Variants in MTFMT observed in about 807,000 individuals in gnomAD.
The protein encoded by MTFMT is mitochondrial methionyl-tRNA formyltransferase, also known as methionyl-tRNA formyltransferase, mitochondrial.
In MTFMT, 47 loss-of-function variants were observed where a neutral mutation model predicts 51.8. The ratio of observed to expected loss-of-function variants is 0.91; its 90% confidence interval spans 0.72 to 1.16. The LOEUF (loss-of-function observed/expected upper bound fraction) is 1.16, where lower values mean the gene tolerates loss of function less well. Among genes scored for constraint, MTFMT ranks in the 50% most tolerant of loss-of-function variants. MTFMT has a pLI of 0.00. For synonymous variants in MTFMT, 196 were observed against 176.7 expected (o/e 1.11, Z -0.87); for missense variants, 512 against 482.3 (o/e 1.06, Z -0.58).
chr15:65,029,315 A>C, intron 1 of MTFMT, 90 bp downstream of exon 1: 1 of 1,329,316 alleles, frequency 7.5e-7, no homozygotes, highest in African/African-American at 1.5e-5. Context: ...TGCTTTCCGC[A>C]ACCAGAAGTC....
chr15:65,020,181 T>C lies in MTFMT; in HGVS notation c.721+16A>G, dbSNP rs1401943605. On this transcript the variant is annotated intron_variant, in intron 5 of 8. Transcript: ENST00000220058. ...GAACCTTTAGAAAGATGAGAGTCTC[T>C]GCAGCCTTCACTCACCGTAAGTCGC... 18 of 1,607,994 alleles carry C rather than the reference T, an allele frequency of 1.1e-5. No individual in the cohort carries two copies. The highest frequency in any genetic ancestry group is 1.5e-5 in the Non-Finnish European group (18 of 1,177,166).
rs1347467934 is a variant in MTFMT, at chr15:65,004,869, T to C, written c.960A>G (p.Leu320=). Residue 320 remains leucine (L), a synonymous_variant, in exon 8 of 9, where the codon CTA becomes CTG. Transcript: ENST00000220058. ...SVIYHKQSQI[L]LVYCKDGWIG... is the part of the protein sequence containing the mutation. Reference sequence around the variant, plus strand: ...AAAAACATACCTTGCAATAAACCAATAGTATTTGTGACTGTTTGTGGTATA... The same window carrying C: ...AAAAACATACCTTGCAATAAACCAACAGTATTTGTGACTGTTTGTGGTATA... The C allele has an allele frequency of 1.4e-5, 22 of 1,602,258 alleles. No homozygotes were observed. Among genetic ancestry groups the C allele is most frequent in the East Asian group, 2.2e-5 (1 of 44,722 alleles).
In MTFMT at chr15:65,027,081, A is replaced by G. The variant is rs1167058167; in HGVS notation, c.210-41T>C. The G allele has an allele frequency of 5.4e-6, 8 of 1,492,326 alleles. No homozygotes were observed. The Admixed American group carries it at 1.1e-4, about 21-fold the overall frequency. 92.4% of individuals were successfully genotyped at this position (1,492,326 alleles called of 1,614,324 possible). A position where few individuals can be genotyped will look rare whatever the true frequency, so the allele number is the denominator to read the frequency against. On this transcript the variant is annotated intron_variant, in intron 1 of 8. Coordinates refer to ENST00000220058, the MANE Select transcript of MTFMT (RefSeq NM_139242.4). ...AGAAAAATGTGACAGTGTTAAGGCA[A>G]TGACTCAAAGCTAAAACTACTTCAC... is the stretch of plus-strand genomic sequence containing the variant.
chr15:65,027,819 T>A (rs940020561), intron 1 of MTFMT, among the ~76,000 whole-genome samples: 6 of 152,094 alleles, frequency 3.9e-5, no homozygotes, highest in African/African-American at 1.4e-4. Context: ...TAAACAGAGG[T>A]GGAAGGAAGT....
Position 65,006,180 on chromosome 15 carries a change from C to A in MTFMT, c.825G>T (p.Gln275His), listed in dbSNP as rs747614238. The change falls in exon 7 of 9, where the codon CAG (glutamine) becomes CAT (histidine). Residue 275 changes from glutamine (Q) to histidine (H), a missense_variant. Gln to His is a conservative substitution (Grantham distance 24). Transcript: ENST00000220058. ...TAATGGTATTCGCCATCCAGAGCGT[C>A]TGCAACGGAATCTGCAAGTAAAATT... Reference protein sequence around the residue: ...YRAIGNIIPLQTLWMANTIKL... With the variant: ...YRAIGNIIPLHTLWMANTIKL... 1.2e-6 allele frequency: 2 copies of A among 1,612,004 alleles called. No individual in the cohort carries two copies. Among genetic ancestry groups the A allele is most frequent in the Middle Eastern group, 3.3e-4 (2 of 6,054 alleles).
At chr15:65,029,137 G>A (rs2086456163) in intron 1 of MTFMT, 1 of 406,210 alleles carries the variant, frequency 2.5e-6, no homozygotes, top group Non-Finnish European at 3.3e-6. Flanking sequence ...CCCAGCCCCA[G>A]CTCGGCACAG....
At chr15:65,029,019 T>C (rs1435522168) in intron 1 of MTFMT, among the ~76,000 whole-genome samples, 2 of 152,226 alleles carry the variant, frequency 1.3e-5, no homozygotes, top group East Asian at 3.9e-4. Context: ...CCGAACCACC[T>C]CGGCTGATGA....
chr15:65,004,825 T>A, intron 8 of MTFMT, 29 bp downstream of exon 8: 4 of 1,460,380 alleles, frequency 2.7e-6, no homozygotes, highest in Non-Finnish European at 3.8e-6. Flanking sequence ...AAAACAACTA[T>A]GATAACTTGA....
At chr15:65,028,266 A>T (rs562583817) in intron 1 of MTFMT, among the ~76,000 whole-genome samples, 157 of 152,302 alleles carry the variant, frequency 1.0e-3, no homozygotes, top group African/African-American at 3.6e-3. Flanking sequence ...CAAAAAATTT[A>T]AAAATCAGGC....
chr15:65,027,043 A>G lies in MTFMT; in HGVS notation c.210-3T>C. ...TTAACTCTTCTTCTTTGTTTTCCCTAAATTAGATAGGAAGAAAAATGTGAC... is the reference window on the plus strand; with the variant it reads ...TTAACTCTTCTTCTTTGTTTTCCCTGAATTAGATAGGAAGAAAAATGTGAC... On this transcript the variant is annotated splice_polypyrimidine_tract_variant and splice_region_variant and intron_variant, in intron 1 of 8. Coordinates refer to ENST00000220058, the MANE Select transcript of MTFMT (RefSeq NM_139242.4). The G allele has an allele frequency of 6.2e-7, 1 of 1,610,108 alleles. No homozygotes were observed.
chr15:65,026,776 T>TTTTTATA, intron 2 of MTFMT, 55 bp downstream of exon 2: 1 of 1,309,144 alleles, frequency 7.6e-7, no homozygotes, highest in South Asian at 1.4e-5. Context: ...ATATACAAGG[T>TTTTTATA]CCATTTATAA....
At position 65,003,098 on chromosome 15, in the gene MTFMT, C is replaced by T. The variant is rs1427178108; in HGVS notation, c.1134G>A (p.Gln378=). 4.4e-6 allele frequency: 7 copies of T among 1,596,730 alleles called. No individual in the cohort carries two copies. Among genetic ancestry groups the T allele is most frequent in the Admixed American group, 3.5e-5 (2 of 57,498 alleles). Residue 378 remains glutamine, a synonymous_variant, in exon 9 of 9, where the codon CAG becomes CAA. Transcript: ENST00000220058. The stretch of plus-strand genomic sequence containing the variant: ...ATTGTTGCATAGCAACAGTTTTTTT[C>T]TGCTTCTTCTTTGTTGGAAGTCTGA... ...QTLRLPTKKK[Q]KKTVAMQQCI... is the part of the protein sequence containing the mutation.
At chr15:65,028,735 T>C (rs779335120) in intron 1 of MTFMT, among the ~76,000 whole-genome samples, 11 of 152,164 alleles carry the variant, frequency 7.2e-5, no homozygotes, top group Non-Finnish European at 1.3e-4. Context: ...ATATACGGTA[T>C]TGCCACCACA....
At chr15:65,019,542 T>C (rs998249556) in intron 5 of MTFMT, among the ~76,000 whole-genome samples, 167 of 151,696 alleles carry the variant, frequency 1.1e-3, no homozygotes, top group African/African-American at 3.8e-3. Context: ...TTATAGGAAA[T>C]ATAAGAGATA....
intron 6 of MTFMT, among the ~76,000 whole-genome samples, chr15:65,013,948 A>AAAAAAC (rs2086293110): frequency 1.3e-5 from 2 of 152,010 alleles, no homozygotes; most frequent in Non-Finnish European, 2.9e-5. Flanking sequence ...ATCTCAAAAA[A>AAAAAAC]AAAAAACAAA....
intron 4 of MTFMT, among the ~76,000 whole-genome samples, chr15:65,021,166 G>A (rs1488983435): frequency 6.6e-6 from 1 of 152,166 alleles, no homozygotes; most frequent in Non-Finnish European, 1.5e-5. Flanking sequence ...GCTAAGAGTC[G>A]CTTAGAAAAT....
chr15:65,010,529 T>C (rs990414293), intron 6 of MTFMT, among the ~76,000 whole-genome samples: 1 of 152,192 alleles, frequency 6.6e-6, no homozygotes, highest in Non-Finnish European at 1.5e-5. Flanking sequence ...GTCATAAGCA[T>C]GTGATTATGG....
At position 65,002,878 on chromosome 15, in the gene MTFMT, G is replaced by A; in HGVS notation, c.*184C>T. 2.8e-6 allele frequency: 1 copy of A among 353,988 alleles called. No individual in the cohort carries two copies. The highest frequency in any genetic ancestry group is 4.8e-5 in the East Asian group (1 of 20,902). The allele number at this position is 353,988 out of a possible 1,614,324, so 21.9% of individuals were successfully genotyped here. ...CTCAGGAGGCTGAGGCAGGAGAATT[G>A]CTTGAACCTGGGAGGCGGAGGTTGC... On this transcript the variant is annotated 3_prime_UTR_variant, in exon 9 of 9. Transcript: ENST00000220058.
In MTFMT at chr15:65,003,725, G is replaced by A. The variant is rs531583389; in HGVS notation, c.976-469C>T. Among the ~76,000 whole-genome samples, 50 of 151,340 alleles carry A rather than the reference G, an allele frequency of 3.3e-4. 1 individual carries two copies. Among genetic ancestry groups the A allele is most frequent in the Middle Eastern group, 6.8e-3 (2 of 292 alleles). ...ACAAAAATTAGCCAGGCGTGGTGGC[G>A]GGTGCCTGTAATCCCAGCTACTTGG... On this transcript the variant is annotated intron_variant, in intron 8 of 8. Coordinates refer to ENST00000220058, the MANE Select transcript of MTFMT (RefSeq NM_139242.4).
Sources: allele counts gnomAD v4.1 joint callset (sites outside exome capture counted in the v4.1 genomes callset), GRCh38; gene constraint gnomAD v4.1.1; transcripts MANE v1.5; gene names NCBI Gene and HGNC (gene_info 2026-07-23, HGNC 2026-07-21).